Variants in DGKG observed in about 807,000 individuals in gnomAD.
DGKG encodes DAG kinase gamma.
A neutral mutation model predicts 105.3 loss-of-function variants in DGKG; 78 were observed. The observed-to-expected ratio is 0.74, with a 90% CI of 0.62 to 0.89. The LOEUF (loss-of-function observed/expected upper bound fraction) is 0.89. Ranked by LOEUF, DGKG falls within the 40% of genes least tolerant of loss-of-function variation. The pLI is 0.00. For missense variants in DGKG, 958 were observed against 1,020.1 expected, an observed-to-expected ratio of 0.94 and a Z score of 0.83; for synonymous variants, 346 against 367.1, an observed-to-expected ratio of 0.94 and a Z score of 0.66.
intron 21 of DGKG, among the ~76,000 whole-genome samples, chr3:186,194,114 T>G (rs567581708): frequency 1.3e-5 from 2 of 152,292 alleles, no homozygotes; most frequent in South Asian, 4.1e-4. Flanking sequence ...TGTGTCCCCC[T>G]TGGGAAGACA....
At chr3:186,254,724 G>C (rs1721382778) in intron 17 of DGKG, among the ~76,000 whole-genome samples, 1 of 151,940 alleles carries the variant, frequency 6.6e-6, no homozygotes, top group Admixed American at 6.6e-5. Context: ...CGCTGCAACA[G>C]CCTCCTCTCG....
At chr3:186,322,478 A>G (rs1273548018) in intron 1 of DGKG, among the ~76,000 whole-genome samples, 1 of 152,184 alleles carries the variant, frequency 6.6e-6, no homozygotes, top group East Asian at 1.9e-4. Flanking sequence ...ACTGGGTACT[A>G]TGCTTATTAC....
intron 22 of DGKG, among the ~76,000 whole-genome samples, chr3:186,187,427 G>A (rs1052481316): frequency 2.0e-5 from 3 of 152,212 alleles, no homozygotes; most frequent in African/African-American, 7.2e-5. Flanking sequence ...CTCTTGTGAT[G>A]GGAAGGCTGG....
At chr3:186,166,250 TCACTAATGGACA>T (rs751672190) in intron 22 of DGKG, among the ~76,000 whole-genome samples, 6 of 152,002 alleles carry the variant, frequency 3.9e-5, no homozygotes, top group Non-Finnish European at 8.8e-5. Flanking sequence ...CTAATGGACA[TCACTAATGGACA>T]TCAGCTGCCA....
chr3:186,288,530 G>A (rs979629630), intron 6 of DGKG, among the ~76,000 whole-genome samples, 180 bp downstream of exon 6: 28 of 152,220 alleles, frequency 1.8e-4, no homozygotes, highest in African/African-American at 5.8e-4. Flanking sequence ...ATATGTCCCA[G>A]GGTGGATTCT....
At chr3:186,323,345 T>C (rs1248869776) in intron 1 of DGKG, among the ~76,000 whole-genome samples, 1 of 152,240 alleles carries the variant, frequency 6.6e-6, no homozygotes, top group Non-Finnish European at 1.5e-5. Flanking sequence ...TACTTTACTC[T>C]GTGCTATATG....
intron 8 of DGKG, 32 bp from the exon 9 acceptor site, chr3:186,280,005 T>G (rs767664031): frequency 1.2e-6 from 2 of 1,612,590 alleles, no homozygotes; most frequent in South Asian, 2.2e-5. Context: ...CATTGTCCAT[T>G]TTCATCATCG....
At chr3:186,302,460 C>CTATATATATATATATATG (rs1723966292) in intron 3 of DGKG, among the ~76,000 whole-genome samples, 1 of 48,784 alleles carries the variant, frequency 2.0e-5, no homozygotes, top group Admixed American at 2.4e-4. Flanking sequence ...GGGAAATGTG[C>CTATATATATATATATATG]TATATATATA....
rs142200524 is a variant in DGKG at position 186,309,990 on chromosome 3, C to T, written c.68-3013G>A. Among the ~76,000 whole-genome samples the T allele has an allele frequency of 2.9e-4, 44 of 151,606 alleles. No homozygotes were observed. In the East Asian group the frequency reaches 6.9e-3, roughly 24 times the overall value. On this transcript the variant is annotated intron_variant, in intron 2 of 24. Transcript: ENST00000265022. ...ATTAAATGGAAAAAAAAAACACAGC[C>T]GGGCGCGGTGGCTCACGCCTGTAAT... is the stretch of plus-strand genomic sequence containing the variant.
intron 20 of DGKG, among the ~76,000 whole-genome samples, chr3:186,217,597 G>T (rs1033917614): frequency 1.3e-5 from 2 of 152,202 alleles, no homozygotes; most frequent in Admixed American, 6.5e-5. Context: ...GAGAAAAAAT[G>T]AGACTAACTA....
chr3:186,221,739 C>T (rs1043419559), intron 20 of DGKG, among the ~76,000 whole-genome samples: 3 of 152,290 alleles, frequency 2.0e-5, no homozygotes, highest in South Asian at 4.1e-4. Flanking sequence ...GGCTGTCCTG[C>T]TGGAGCTGAG....
At chr3:186,345,357 AG>A (rs1726279274) in intron 1 of DGKG, among the ~76,000 whole-genome samples, 1 of 152,168 alleles carries the variant, frequency 6.6e-6, no homozygotes, top group African/African-American at 2.4e-5. Flanking sequence ...ATTAAAAATG[AG>A]TGATTTAGCT....
At chr3:186,299,014 C>T (rs1560141218) in intron 3 of DGKG, among the ~76,000 whole-genome samples, 1 of 152,192 alleles carries the variant, frequency 6.6e-6, no homozygotes, top group Non-Finnish European at 1.5e-5. Flanking sequence ...GTGTCTCTCC[C>T]AGTACCGCCT....
chr3:186,277,759 C>T (rs571577158), intron 9 of DGKG, among the ~76,000 whole-genome samples: 6 of 152,204 alleles, frequency 3.9e-5, no homozygotes, highest in Admixed American at 6.5e-5. Flanking sequence ...AGAACGTGGG[C>T]GTAGCCTTCC....
At chr3:186,160,841 A>C in intron 24 of DGKG, 1 of 985,464 alleles carries the variant, frequency 1.0e-6, no homozygotes, top group Non-Finnish European at 1.2e-6. Context: ...CTAAGAAGGA[A>C]GGATGCATGG....
At chr3:186,272,668 A>T (rs1722374118) in intron 10 of DGKG, among the ~76,000 whole-genome samples, 1 of 152,214 alleles carries the variant, frequency 6.6e-6, no homozygotes, top group Admixed American at 6.5e-5. Context: ...TGGCTATGCC[A>T]GTGCCACTGT....
rs531294599 is a variant in DGKG at position 186,331,572 on chromosome 3, G to A, written c.-248-10865C>T. 5.9e-5 allele frequency among the ~76,000 whole-genome samples: 9 copies of A among 152,238 alleles called. No homozygotes were observed. The South Asian group carries it at 8.3e-4, about 14-fold the overall frequency. On this transcript the variant is annotated intron_variant, in intron 1 of 24. Coordinates refer to ENST00000265022, the MANE Select transcript of DGKG (RefSeq NM_001346.3). ...CAGAGTGAATGTGAGAATCTCTGCC[G>A]CAAGATAGTCATGAAAATGTCAGGC... is the stretch of plus-strand genomic sequence containing the variant.
Position 186,148,660 on chromosome 3 carries a change from A to C in DGKG, c.*1430T>G. On this transcript the variant is annotated 3_prime_UTR_variant, in exon 25 of 25. Transcript: ENST00000265022. ...TGCATTAGCCAAGACACCATGGAAA[A>C]GTCTCTGAACTTTTCTGAGACTCAA... 15 of 985,346 alleles carry C rather than the reference A, an allele frequency of 1.5e-5. No homozygotes were observed. Among genetic ancestry groups the C allele is most frequent in the Non-Finnish European group, 1.8e-5 (15 of 829,870 alleles). 61.0% of individuals were successfully genotyped at this position (985,346 alleles called of 1,614,324 possible).
intron 1 of DGKG, among the ~76,000 whole-genome samples, chr3:186,338,612 A>G (rs978176052): frequency 6.6e-6 from 1 of 152,240 alleles, no homozygotes; most frequent in Non-Finnish European, 1.5e-5. Flanking sequence ...CAAGAAATAC[A>G]TAAAGTTTAG....
Sources: allele counts gnomAD v4.1 joint callset (sites outside exome capture counted in the v4.1 genomes callset), GRCh38; gene constraint gnomAD v4.1.1; transcripts MANE v1.5; gene names NCBI Gene and HGNC (gene_info 2026-07-23, HGNC 2026-07-21).